The following TTYH2 variants were observed in gnomAD, a reference collection of about 807,000 sequenced individuals.
TTYH2 encodes protein tweety homolog 2.
Under a neutral mutation model 68.3 loss-of-function variants are expected in TTYH2, and 49 were observed. The observed-to-expected ratio is 0.72, with a 90% CI of 0.57 to 0.91. The LOEUF (loss-of-function observed/expected upper bound fraction) is 0.91, where lower values mean the gene tolerates loss of function less well. Ranked by LOEUF, TTYH2 falls within the 40% of genes least tolerant of loss-of-function variation. TTYH2 has a pLI of 0.00. For synonymous variants in TTYH2, 272 were observed against 300.8 expected, an observed-to-expected ratio of 0.90 and a Z score of 0.99; for missense variants, 631 against 700.4, an observed-to-expected ratio of 0.90 and a Z score of 1.12.
At position 74,233,652 on chromosome 17, in the gene TTYH2, C is replaced by T. The variant is rs1056477681; in HGVS notation, c.414+2653C>T. ...CCACAGAGTGGGGTGGGCCCTGCTC[C>T]AAGTCCTCCTTTCCTGGACTGGAAG... On this transcript the variant is annotated intron_variant, in intron 3 of 13. Transcript: ENST00000269346. 4.6e-5 allele frequency among the ~76,000 whole-genome samples: 7 copies of T among 152,136 alleles called. No individual in the cohort carries two copies. The East Asian group carries it at 1.4e-3, about 29-fold the overall frequency.
intron 3 of TTYH2, among the ~76,000 whole-genome samples, chr17:74,234,789 G>A (rs185419118): frequency 7.9e-5 from 12 of 152,316 alleles, no homozygotes; most frequent in Admixed American, 6.5e-4. Flanking sequence ...AAGTTTGTTT[G>A]ATTTATAGAA....
At chr17:74,240,261 A>C (rs2050485592) in intron 4 of TTYH2, among the ~76,000 whole-genome samples, 1 of 152,156 alleles carries the variant, frequency 6.6e-6, no homozygotes, top group South Asian at 2.1e-4. Flanking sequence ...CAACATGGAG[A>C]AACCTCATCT....
chr17:74,219,967 T>A (rs1225904608), intron 1 of TTYH2, among the ~76,000 whole-genome samples: 1 of 152,026 alleles, frequency 6.6e-6, no homozygotes, highest in Non-Finnish European at 1.5e-5. Flanking sequence ...TTGCAATTTT[T>A]TTTTTTTTTT....
chr17:74,243,540 C>A, intron 5 of TTYH2, 71 bp downstream of exon 5: 23 of 1,521,910 alleles, frequency 1.5e-5, no homozygotes, highest in Non-Finnish European at 2.0e-5. Flanking sequence ...GAGACGAGGG[C>A]CTGGCCAGCT....
intron 3 of TTYH2, among the ~76,000 whole-genome samples, chr17:74,233,439 T>C (rs965540008): frequency 6.6e-6 from 1 of 152,234 alleles, no homozygotes; most frequent in Non-Finnish European, 1.5e-5. Context: ...GCTGTATGAC[T>C]GTGATTATGA....
rs200999297 is a variant in TTYH2 at position 74,244,028 on chromosome 17, C to T, written c.783C>T (p.Ala261=). The part of the protein sequence containing the change: ...LSLLLSWASL[A]ADGSAAVATS... The stretch of plus-strand genomic sequence containing the variant: ...TGCTCCTCAGTTGGGCATCCCTGGC[C>T]GCTGATGGCTCTGCGGCAGTGGTGA... The change falls in exon 6 of 14, where the codon GCC becomes GCT. Residue 261 remains alanine, a synonymous_variant. Transcript: ENST00000269346. The T allele has an allele frequency of 2.3e-4, 374 of 1,612,086 alleles. 2 individuals are homozygous for T. The highest frequency in any genetic ancestry group is 3.3e-4 in the Middle Eastern group (2 of 6,044).
intron 1 of TTYH2, among the ~76,000 whole-genome samples, chr17:74,216,439 G>A (rs2050222637): frequency 6.6e-6 from 1 of 152,182 alleles, no homozygotes; most frequent in African/African-American, 2.4e-5. Context: ...TCTTGGAAGT[G>A]CAGAGATGGT....
intron 6 of TTYH2, among the ~76,000 whole-genome samples, chr17:74,246,862 C>T (rs921090261): frequency 4.6e-5 from 7 of 151,996 alleles, no homozygotes; most frequent in Non-Finnish European, 8.8e-5. Flanking sequence ...AGAGAGAGGA[C>T]GTATGCAGGG....
In TTYH2 at chr17:74,241,402, G is replaced by A. The variant is rs2143756674; in HGVS notation, c.636-1972G>A. ...TGGCTTCTTGGTGGCAGCAGGCTCT[G>A]CCCACTCCCCAAAGCCCCCGGCTCC... On this transcript the variant is annotated intron_variant, in intron 4 of 13. Coordinates refer to ENST00000269346, the MANE Select transcript of TTYH2 (RefSeq NM_032646.6). This position sits in a 1 kb window ranked among gnomAD's most constrained non-coding sequence, Gnocchi z 4.1. 6.6e-6 allele frequency among the ~76,000 whole-genome samples: 1 copy of A among 152,224 alleles called. No homozygotes were observed. The highest frequency in any genetic ancestry group is 2.1e-4 in the South Asian group (1 of 4,816).
rs762654984 is a variant in TTYH2 at position 74,238,254 on chromosome 17, G to A, written c.635+740G>A. 8.6e-4 allele frequency among the ~76,000 whole-genome samples: 131 copies of A among 152,204 alleles called. 1 individual carries two copies. Among genetic ancestry groups the A allele is most frequent in the Admixed American group, 3.9e-4 (6 of 15,284 alleles). ...AGACACAGCCACAGGGTTATGGGGG[G>A]TTGAGGAGATGAGCACCCGGCTAAG... On this transcript the variant is annotated intron_variant, in intron 4 of 13. Coordinates refer to ENST00000269346, the MANE Select transcript of TTYH2 (RefSeq NM_032646.6).
At chr17:74,251,977 G>A (rs1295781117) in intron 10 of TTYH2, 5 of 485,658 alleles carry the variant, frequency 1.0e-5, no homozygotes, top group South Asian at 2.3e-5. Context: ...AACCTCCTCC[G>A]CCCTGTTCAG....
At position 74,232,169 on chromosome 17, in the gene TTYH2, C is replaced by G. The variant is rs1272609786; in HGVS notation, c.414+1170C>G. On this transcript the variant is annotated intron_variant, in intron 3 of 13. Transcript: ENST00000269346. The surrounding 1 kb of genome is among the most constrained non-coding windows in gnomAD (Gnocchi z 5.1). Reference sequence around the variant, plus strand: ...CAGGAGAATTTGGCCATTGCCCCGGCATCCTCCAGAAGAGGATTGGACCCC... The same window carrying G: ...CAGGAGAATTTGGCCATTGCCCCGGGATCCTCCAGAAGAGGATTGGACCCC... Among the ~76,000 whole-genome samples the G allele has an allele frequency of 6.6e-6, 1 of 152,228 alleles. No homozygotes were observed. Among genetic ancestry groups the G allele is most frequent in the Non-Finnish European group, 1.5e-5 (1 of 68,026 alleles).
At chr17:74,260,067 C>G (rs2143793096) in intron 13 of TTYH2, 62 bp from the exon 14 acceptor site, 1 of 1,510,760 alleles carries the variant, frequency 6.6e-7, no homozygotes, top group Non-Finnish European at 9.2e-7. Flanking sequence ...TCCCCGGCAC[C>G]TTTGCTGGTG....
chr17:74,215,549 C>A lies in TTYH2; in HGVS notation c.129+1833C>A. 1 of 1,331,926 alleles carries A rather than the reference C, an allele frequency of 7.5e-7. No homozygotes were observed. The highest frequency in any genetic ancestry group is 1.0e-6 in the Non-Finnish European group (1 of 973,026). 82.5% of individuals were successfully genotyped at this position (1,331,926 alleles called of 1,614,324 possible). On this transcript the variant is annotated intron_variant, in intron 1 of 13. Transcript: ENST00000269346. This position sits in a 1 kb window ranked among gnomAD's most constrained non-coding sequence, Gnocchi z 4.3. ...CAAATGGTTCCAGAGGGTGTCCCTT[C>A]CCATCGGCCACTGCTCCTGGGCAGC...
In TTYH2 at chr17:74,217,883, G is replaced by A. The variant is rs897930914; in HGVS notation, c.129+4167G>A. On this transcript the variant is annotated intron_variant, in intron 1 of 13. Transcript: ENST00000269346. This position sits in a 1 kb window ranked among gnomAD's most constrained non-coding sequence, Gnocchi z 4.0. The stretch of plus-strand genomic sequence containing the variant: ...ATAATTGAAGTCCCTTTGATGAGGG[G>A]AGAGGCAGAGTCTGAGCACCAGTGT... Among the ~76,000 whole-genome samples, 2 of 152,352 alleles carry A rather than the reference G, an allele frequency of 1.3e-5. No individual in the cohort carries two copies. The highest frequency in any genetic ancestry group is 3.9e-4 in the East Asian group (2 of 5,188).
At chr17:74,244,502 G>T (rs2050535573) in intron 6 of TTYH2, among the ~76,000 whole-genome samples, 1 of 152,144 alleles carries the variant, frequency 6.6e-6, no homozygotes, top group South Asian at 2.1e-4. Flanking sequence ...TGTAGAATGT[G>T]GTGTCTGACT....
intron 1 of TTYH2, among the ~76,000 whole-genome samples, chr17:74,221,778 G>A (rs2050277844): frequency 6.6e-6 from 1 of 152,162 alleles, no homozygotes; most frequent in South Asian, 2.1e-4. Flanking sequence ...TGGCACTGGA[G>A]GTTCAGCTGT....
chr17:74,253,864 G>A (rs1328406990), intron 13 of TTYH2, 31 bp downstream of exon 13: 5 of 1,610,452 alleles, frequency 3.1e-6, no homozygotes, highest in Non-Finnish European at 2.5e-6. Flanking sequence ...TCCTTGTTGG[G>A]GTAATACATA....
rs1598219727 is a variant in TTYH2, at chr17:74,232,610, G to A, written c.414+1611G>A. Among the ~76,000 whole-genome samples the A allele has an allele frequency of 6.6e-6, 1 of 152,228 alleles. No individual in the cohort carries two copies. The highest frequency in any genetic ancestry group is 1.5e-5 in the Non-Finnish European group (1 of 67,978). ...CCTTGCCCCAGGCCCTGGTGGGGAA[G>A]GGCCCCATGGTCACTGCCCTCTAGG... On this transcript the variant is annotated intron_variant, in intron 3 of 13. Transcript: ENST00000269346. This position sits in a 1 kb window ranked among gnomAD's most constrained non-coding sequence, Gnocchi z 5.1.
Sources: allele counts gnomAD v4.1 joint callset (sites outside exome capture counted in the v4.1 genomes callset), GRCh38; gene constraint gnomAD v4.1.1; non-coding constraint Gnocchi (gnomAD v3.1); transcripts MANE v1.5; gene names NCBI Gene and HGNC (gene_info 2026-07-23, HGNC 2026-07-21).